The following ETFA variants were observed in gnomAD, a reference collection of about 807,000 sequenced individuals.
ETFA encodes the protein electron transfer flavoprotein subunit alpha, also known as electron transfer flavoprotein subunit alpha, mitochondrial.
ETFA carries 22 observed loss-of-function variants against 46.2 expected under a neutral mutation model. That is an observed-to-expected ratio of 0.48 (90% CI 0.34 to 0.68). The LOEUF is 0.68. Among genes scored for constraint, ETFA ranks in the 30% least tolerant of loss-of-function variants. ETFA has a pLI of 0.01. For synonymous variants in ETFA, 131 were observed against 139.9 expected, an observed-to-expected ratio of 0.94 and a Z score of 0.45; for missense variants, 345 against 401.1, an observed-to-expected ratio of 0.86 and a Z score of 1.19.
At position 76,261,527 on chromosome 15, in the gene ETFA, C is replaced by G. The variant is rs1203422382; in HGVS notation, c.816+12885G>C. 7 of 661,362 alleles carry G rather than the reference C, an allele frequency of 1.1e-5. No individual in the cohort carries two copies. The African/African-American group carries it at 1.3e-4, about 12-fold the overall frequency. 41.0% of individuals were successfully genotyped at this position (661,362 alleles called of 1,614,324 possible). Reference sequence around the variant, plus strand: ...CTGCAGCTGAGCTTTACCAGCTGCCCCTGGGACACTGTCAGCTTTGCCGGG... The same window carrying G: ...CTGCAGCTGAGCTTTACCAGCTGCCGCTGGGACACTGTCAGCTTTGCCGGG... On this transcript the variant is annotated intron_variant, in intron 9 of 11. Transcript: ENST00000557943.
intron 9 of ETFA, among the ~76,000 whole-genome samples, chr15:76,255,679 C>T (rs981096823): frequency 2.6e-5 from 4 of 152,174 alleles, no homozygotes; most frequent in African/African-American, 7.2e-5. Context: ...ATCAAGGAAT[C>T]ACTGAAGAAT....
At chr15:76,233,492 G>C (rs145567147) in intron 9 of ETFA, among the ~76,000 whole-genome samples, 5,936 of 151,966 alleles carry the variant, frequency 0.039, 356 homozygotes, top group African/African-American at 0.13. Context: ...ACCCCACCCA[G>C]CTAATTTTTG....
At chr15:76,261,160 G>C in intron 9 of ETFA, 1 of 1,531,518 alleles carries the variant, frequency 6.5e-7, no homozygotes. Context: ...AGAGGGAGCA[G>C]GTCCCCCGAT....
intron 9 of ETFA, among the ~76,000 whole-genome samples, chr15:76,257,697 T>G (rs1175045295): frequency 2.0e-5 from 3 of 152,008 alleles, no homozygotes; most frequent in Non-Finnish European, 4.4e-5. Context: ...TAAATCATGC[T>G]GCTATAAAGA....
At chr15:76,243,624 C>T (rs2039214320) in intron 9 of ETFA, among the ~76,000 whole-genome samples, 1 of 151,920 alleles carries the variant, frequency 6.6e-6, no homozygotes. Context: ...CGTGGCGAAA[C>T]CCCGCCTCTG....
intron 2 of ETFA, among the ~76,000 whole-genome samples, chr15:76,295,105 T>TAACAAC (rs545294285): frequency 2.0e-5 from 3 of 151,926 alleles, no homozygotes; most frequent in Admixed American, 6.6e-5. Flanking sequence ...ATTTCAACAA[T>TAACAAC]AACAACAACA....
At chr15:76,297,431 A>G (rs1040054632) in intron 1 of ETFA, among the ~76,000 whole-genome samples, 3 of 151,856 alleles carry the variant, frequency 2.0e-5, no homozygotes, top group African/African-American at 7.2e-5. Context: ...ATCACATTTC[A>G]CAAGAATTGC....
intron 9 of ETFA, chr15:76,259,706 C>T (rs183952949): frequency 1.9e-5 from 26 of 1,345,880 alleles, no homozygotes; most frequent in African/African-American, 1.8e-4. Flanking sequence ...GTCAGCCACA[C>T]ACACGGTCAT....
chr15:76,271,901 ATGTG>A (rs1018815769), intron 9 of ETFA, among the ~76,000 whole-genome samples: 2 of 132,532 alleles, frequency 1.5e-5, no homozygotes, highest in African/African-American at 3.1e-5. Flanking sequence ...ATATGCGTAT[ATGTG>A]TGTGTATATA....
chr15:76,216,678 G>A (rs1201947136), intron 11 of ETFA, 81 bp from the exon 12 acceptor site: 2 of 930,550 alleles, frequency 2.1e-6, no homozygotes, highest in South Asian at 1.3e-5. Context: ...ATTACAGGGA[G>A]GCCAAAAGAA....
intron 1 of ETFA, among the ~76,000 whole-genome samples, chr15:76,304,970 G>A (rs1218472175): frequency 6.6e-6 from 1 of 151,160 alleles, no homozygotes; most frequent in East Asian, 2.0e-4. Flanking sequence ...GTGAACCCAG[G>A]CAGCAGAGGC....
rs148477042 is a variant in ETFA at position 76,234,418 on chromosome 15, TG to T, written c.817-3021del. Among the ~76,000 whole-genome samples, 773 of 152,346 alleles carry T rather than the reference TG, an allele frequency of 5.1e-3. 8 individuals are homozygous for T. Among genetic ancestry groups the T allele is most frequent in the African/African-American group, 0.018 (732 of 41,578 alleles). On this transcript the variant is annotated intron_variant, in intron 9 of 11. Coordinates refer to ENST00000557943, the MANE Select transcript of ETFA (RefSeq NM_000126.4). ...AAAACTCTCTACAGATGCTAATTTATGGGGCACTTCAGATGCTGCTTCACAA... is the reference window on the plus strand; with the variant it reads ...AAAACTCTCTACAGATGCTAATTTATGGGCACTTCAGATGCTGCTTCACAA...
intron 2 of ETFA, among the ~76,000 whole-genome samples, chr15:76,292,961 A>AC (rs1427351628): frequency 1.3e-5 from 2 of 152,120 alleles, no homozygotes; most frequent in Non-Finnish European, 2.9e-5. Flanking sequence ...ACATGGTGAA[A>AC]CCCCATCTCT....
At chr15:76,258,592 G>A (rs117050622) in intron 9 of ETFA, among the ~76,000 whole-genome samples, 10,478 of 152,320 alleles carry the variant, frequency 0.069, 486 homozygotes, top group Admixed American at 0.11. Context: ...CAGGCTGGAG[G>A]CAGCCCAATG....
At chr15:76,256,868 A>G (rs2039350174) in intron 9 of ETFA, among the ~76,000 whole-genome samples, 1 of 152,206 alleles carries the variant, frequency 6.6e-6, no homozygotes, top group Non-Finnish European at 1.5e-5. Context: ...TGTCTACAGT[A>G]TTGAGTACAG....
At chr15:76,291,435 G>A (rs1427163972) in intron 4 of ETFA, among the ~76,000 whole-genome samples, 1 of 107,612 alleles carries the variant, frequency 9.3e-6, no homozygotes, top group Non-Finnish European at 1.8e-5. Context: ...AGGAAAGTAA[G>A]ACTCCATCTC....
At chr15:76,239,390 T>C (rs1039088996) in intron 9 of ETFA, among the ~76,000 whole-genome samples, 1 of 152,248 alleles carries the variant, frequency 6.6e-6, no homozygotes, top group Non-Finnish European at 1.5e-5. Flanking sequence ...TTACTTTTTG[T>C]GGTGAGAACA....
At chr15:76,226,045 T>C in intron 10 of ETFA, 116 bp from the exon 11 acceptor site, 1 of 704,964 alleles carries the variant, frequency 1.4e-6, no homozygotes, top group South Asian at 1.6e-5. Context: ...CAAATAAGAT[T>C]TGAGGCATCT....
At chr15:76,298,051 T>TG (rs1042642867) in intron 1 of ETFA, among the ~76,000 whole-genome samples, 4 of 139,618 alleles carry the variant, frequency 2.9e-5, no homozygotes, top group African/African-American at 7.4e-5. Context: ...AGAGATTTTT[T>TG]TTTTTTTTTG....
Sources: gnomAD v4.1 joint callset for allele counts (sites outside exome capture counted in the v4.1 genomes callset) on GRCh38, gnomAD v4.1.1 for gene constraint, MANE v1.5 for transcripts, NCBI Gene and HGNC (gene_info 2026-07-23, HGNC 2026-07-21) for gene names.